The following EPG5 variants were observed in gnomAD, a reference collection of about 807,000 sequenced individuals.
EPG5 encodes ectopic P granules protein 5 homolog.
EPG5 carries 159 observed loss-of-function variants against 302.7 expected under a neutral mutation model. That is an observed-to-expected ratio of 0.53 (90% CI 0.46 to 0.60). The LOEUF (loss-of-function observed/expected upper bound fraction) is 0.60, where lower values mean the gene tolerates loss of function less well. Ranked by LOEUF, EPG5 falls within the 20% of genes least tolerant of loss-of-function variation. The pLI is 0.00. For missense variants in EPG5, 2,896 were observed against 3,092.4 expected (o/e 0.94, Z 1.51); for synonymous variants, 1,158 against 1,136.8 (o/e 1.02, Z -0.37).
intron 16 of EPG5, among the ~76,000 whole-genome samples, chr18:45,918,223 C>T (rs988809576): frequency 3.3e-5 from 5 of 152,196 alleles, no homozygotes; most frequent in African/African-American, 1.2e-4. Flanking sequence ...AAAGAGGAGA[C>T]TCAAAAGTGA....
At chr18:45,944,737 A>T (rs1374960541) in intron 7 of EPG5, among the ~76,000 whole-genome samples, 1 of 152,226 alleles carries the variant, frequency 6.6e-6, no homozygotes, top group Non-Finnish European at 1.5e-5. Context: ...GCTGGGTGAC[A>T]GAACGAGACT....
intron 15 of EPG5, 115 bp downstream of exon 15, chr18:45,923,153 G>T: frequency 8.8e-7 from 1 of 1,138,590 alleles, no homozygotes; most frequent in Non-Finnish European, 1.2e-6. Context: ...ATCTTAAATT[G>T]CTAGAAATGT....
chr18:45,825,999 T>A, the EPG5 span, among the ~76,000 whole-genome samples: 1 of 152,160 alleles, frequency 6.6e-6, no homozygotes. Context: ...GCACTCCATG[T>A]CTCTGGCTTC....
At chr18:45,958,604 C>A (rs1185919550) in intron 1 of EPG5, among the ~76,000 whole-genome samples, 1 of 152,142 alleles carries the variant, frequency 6.6e-6, no homozygotes, top group East Asian at 1.9e-4. Context: ...AACTGGATAT[C>A]CTCATATGAA....
intron 19 of EPG5, 84 bp from the exon 20 acceptor site, chr18:45,915,705 T>C: frequency 4.0e-6 from 4 of 1,003,498 alleles, no homozygotes; most frequent in Non-Finnish European, 6.2e-6. Context: ...AGCAACTGTC[T>C]TACTACAATA....
At chr18:45,938,912 G>A (rs754609119) in intron 10 of EPG5, among the ~76,000 whole-genome samples, 2 of 152,162 alleles carry the variant, frequency 1.3e-5, no homozygotes, top group Non-Finnish European at 2.9e-5. Flanking sequence ...TCAGGAGAGG[G>A]CCAAAGCAGG....
intron 35 of EPG5, among the ~76,000 whole-genome samples, chr18:45,873,013 A>C (rs928808332): frequency 6.6e-6 from 1 of 152,206 alleles, no homozygotes; most frequent in African/African-American, 2.4e-5. Flanking sequence ...CACTTTTCTC[A>C]TCCATAGAAG....
chr18:45,900,950 A>C (rs1380575179), intron 26 of EPG5, 46 bp downstream of exon 26: 1 of 1,569,730 alleles, frequency 6.4e-7, no homozygotes, highest in Non-Finnish European at 8.7e-7. Context: ...CAGGCTGTCA[A>C]AGCCACCAAC....
rs201983775 is a variant in EPG5, at chr18:45,912,309, G to A, written c.3964C>T (p.Arg1322Cys). 3.5e-5 allele frequency: 56 copies of A among 1,601,432 alleles called. No individual in the cohort carries two copies. Among genetic ancestry groups the A allele is most frequent in the South Asian group, 2.8e-4 (25 of 89,760 alleles). ...GCATACCCATACTGTGGTCCCGGACGGTGAAGATACAGAAGGAAGAACTTC... is the reference window on the plus strand; with the variant it reads ...GCATACCCATACTGTGGTCCCGGACAGTGAAGATACAGAAGGAAGAACTTC... ...WQKFFLLYLH[R>C]PGPQYGLPID... Residue 1322 changes from arginine to cysteine, a missense_variant, in exon 22 of 44, where the codon CGT (arginine) becomes TGT (cysteine). By Grantham distance (180) the Arg-to-Cys change is radical. Around this residue, in one of 5 missense-constraint regions of EPG5, gnomAD observed 790 missense variants for 798.0 expected, o/e 0.99. Transcript: ENST00000282041.
chr18:45,930,649 C>G, intron 12 of EPG5, 27 bp downstream of exon 12: 1 of 1,516,462 alleles, frequency 6.6e-7, no homozygotes, highest in Non-Finnish European at 8.8e-7. Context: ...ACATTTTTAG[C>G]TGATTTATAA....
chr18:45,818,802 C>T, the EPG5 span, among the ~76,000 whole-genome samples: 5 of 134,750 alleles, frequency 3.7e-5, no homozygotes, highest in Admixed American at 8.5e-5. Context: ...GGCGTGATCT[C>T]GGCTCTCTGC....
the EPG5 span, chr18:45,825,778 C>A: frequency 4.3e-6 from 7 of 1,614,234 alleles, no homozygotes; most frequent in Middle Eastern, 1.2e-3. Flanking sequence ...GTTCTCCCGA[C>A]AGGTGAGTGT....
At chr18:45,930,866 A>T in intron 11 of EPG5, 36 bp from the exon 12 acceptor site, 1 of 1,542,310 alleles carries the variant, frequency 6.5e-7, no homozygotes, top group Non-Finnish European at 8.7e-7. Context: ...GAGTGGGGAA[A>T]GAATAAATTT....
At chr18:45,948,102 T>C (rs1490519831) in intron 6 of EPG5, among the ~76,000 whole-genome samples, 1 of 152,138 alleles carries the variant, frequency 6.6e-6, no homozygotes, top group Middle Eastern at 3.2e-3. Context: ...ACAGCTCAGT[T>C]ACCATGAAAC....
intron 1 of EPG5, among the ~76,000 whole-genome samples, chr18:45,961,542 T>A (rs2051149842): frequency 6.6e-6 from 1 of 152,156 alleles, no homozygotes; most frequent in Admixed American, 6.5e-5. Flanking sequence ...CCCTTTCATG[T>A]CTTTACTTAA....
intron 28 of EPG5, among the ~76,000 whole-genome samples, chr18:45,889,235 G>C (rs1360792846): frequency 6.6e-6 from 1 of 152,214 alleles, no homozygotes; most frequent in Non-Finnish European, 1.5e-5. Context: ...TGTCATGGTG[G>C]CTTTGGAAAG....
the EPG5 span, among the ~76,000 whole-genome samples, chr18:45,809,807 G>A: frequency 2.0e-5 from 3 of 152,010 alleles, no homozygotes; most frequent in Admixed American, 6.5e-5. Context: ...TTCACACCTC[G>A]AAGAACTAGA....
the EPG5 span, among the ~76,000 whole-genome samples, chr18:45,811,232 T>A: frequency 9.9e-5 from 15 of 152,188 alleles, no homozygotes; most frequent in Admixed American, 1.3e-4. Flanking sequence ...ACTGTCACTT[T>A]GCTGATGATA....
At chr18:45,944,473 G>T (rs1370923171) in intron 7 of EPG5, among the ~76,000 whole-genome samples, 2 of 152,134 alleles carry the variant, frequency 1.3e-5, no homozygotes, top group Admixed American at 6.6e-5. Flanking sequence ...ACCACAGATG[G>T]GCCGGGCGCG....
Sources: gnomAD v4.1 joint callset for allele counts (sites outside exome capture counted in the v4.1 genomes callset) on GRCh38, gnomAD v4.1.1 for gene constraint, gnomAD v4.1.1 regional missense constraint, MANE v1.5 for transcripts, NCBI Gene and HGNC (gene_info 2026-07-23, HGNC 2026-07-21) for gene names.